Variants in PCDH15 observed in about 807,000 individuals in gnomAD.
The protein encoded by PCDH15 is protocadherin related 15, also known as protocadherin-15.
A neutral mutation model predicts 178.5 loss-of-function variants in PCDH15; 129 were observed. That is an observed-to-expected ratio of 0.72 (90% confidence interval 0.63 to 0.84). The LOEUF is 0.84. Among genes scored for constraint, PCDH15 ranks in the 40% least tolerant of loss-of-function variants. PCDH15 has a pLI of 0.00. For missense variants in PCDH15, 2,230 were observed against 2,099.9 expected (o/e 1.06, Z -1.21); for synonymous variants, 800 against 732.0 (o/e 1.09, Z -1.50).
At chr10:55,136,964 T>A (rs1838211849) in intron 2 of PCDH15, among the ~76,000 whole-genome samples, 1 of 152,216 alleles carries the variant, frequency 6.6e-6, no homozygotes, top group Non-Finnish European at 1.5e-5. Context: ...AAGGTAGTCA[T>A]GTTGAAGTAT....
At chr10:54,799,037 A>G (rs1203828074) in intron 1 of PCDH15, among the ~76,000 whole-genome samples, 2 of 152,126 alleles carry the variant, frequency 1.3e-5, no homozygotes, top group Non-Finnish European at 2.9e-5. Flanking sequence ...AATTTGTCTA[A>G]GGAGTAAAAG....
intron 2 of PCDH15, among the ~76,000 whole-genome samples, chr10:55,441,063 C>A (rs1839173234): frequency 6.6e-6 from 1 of 152,152 alleles, no homozygotes; most frequent in Non-Finnish European, 1.5e-5. Flanking sequence ...TGGGTGGGGA[C>A]ACAGCCAAAC....
At chr10:55,200,783 G>T (rs1213181902) in intron 1 of PCDH15, among the ~76,000 whole-genome samples, 1 of 151,984 alleles carries the variant, frequency 6.6e-6, no homozygotes, top group Non-Finnish European at 1.5e-5. Flanking sequence ...AGATTTGGTT[G>T]TTTGAAAGTG....
At chr10:54,438,362 T>C (rs1425534990) in intron 3 of PCDH15, among the ~76,000 whole-genome samples, 1 of 150,856 alleles carries the variant, frequency 6.6e-6, no homozygotes, top group East Asian at 2.0e-4. Context: ...AGTGAATTTG[T>C]AAGTTCTTTG....
intron 2 of PCDH15, among the ~76,000 whole-genome samples, chr10:54,999,519 T>C (rs1220884372): frequency 6.6e-6 from 1 of 152,190 alleles, no homozygotes; most frequent in Non-Finnish European, 1.5e-5. Flanking sequence ...GGCCTTGTTC[T>C]TAAGATAATT....
rs1487853937 is a variant in PCDH15, at chr10:55,169,401, G to A, written c.-155-2750C>T. ...ATTCATGATTAATCTCTATGTTGTAGTAATACAGTATTTAACCAACAAGAT... is the reference window on the plus strand; with the variant it reads ...ATTCATGATTAATCTCTATGTTGTAATAATACAGTATTTAACCAACAAGAT... On this transcript the variant is annotated intron_variant, in intron 1 of 5. Transcript: ENST00000458638. Among the ~76,000 whole-genome samples, 3 of 152,226 alleles carry A rather than the reference G, an allele frequency of 2.0e-5. No homozygotes were observed. In the East Asian group the frequency reaches 5.8e-4, roughly 29 times the overall value.
At chr10:55,506,950 T>G (rs925312874) in intron 2 of PCDH15, among the ~76,000 whole-genome samples, 5 of 151,476 alleles carry the variant, frequency 3.3e-5, no homozygotes. Flanking sequence ...GATTAACACA[T>G]GAAATAGTAA....
chr10:55,413,714 G>A (rs953157333), intron 2 of PCDH15, among the ~76,000 whole-genome samples: 3 of 151,570 alleles, frequency 2.0e-5, no homozygotes, highest in Non-Finnish European at 4.4e-5. Flanking sequence ...AGGTTAAAAT[G>A]TGTCTTTATA....
chr10:54,004,244 T>C (rs911720888), intron 20 of PCDH15, among the ~76,000 whole-genome samples: 4 of 152,016 alleles, frequency 2.6e-5, no homozygotes, highest in African/African-American at 9.7e-5. Context: ...GGATGCCCAC[T>C]ATCACCACTG....
At chr10:55,577,187 G>A (rs916823923) in intron 2 of PCDH15, among the ~76,000 whole-genome samples, 14 of 152,144 alleles carry the variant, frequency 9.2e-5, no homozygotes, top group Admixed American at 5.2e-4. Context: ...AGGTTGCAGT[G>A]AGCCAAGATT....
chr10:55,133,400 G>T (rs1304510680), intron 2 of PCDH15, among the ~76,000 whole-genome samples: 2 of 151,912 alleles, frequency 1.3e-5, no homozygotes. Flanking sequence ...AATCTAACTG[G>T]CCACTCCTTC....
At chr10:54,731,481 T>G (rs1034659861) in intron 1 of PCDH15, among the ~76,000 whole-genome samples, 1 of 146,066 alleles carries the variant, frequency 6.8e-6, no homozygotes, top group Non-Finnish European at 1.5e-5. Context: ...GCAGCACTAT[T>G]TGCTATACCC....
At chr10:54,755,160 G>A (rs142837701) in intron 1 of PCDH15, among the ~76,000 whole-genome samples, 7,301 of 151,910 alleles carry the variant, frequency 0.048, 590 homozygotes, top group African/African-American at 0.17. Context: ...TCGAACTCCT[G>A]ACTTCAGGTG....
chr10:54,944,494 A>C (rs1454481), intron 2 of PCDH15, among the ~76,000 whole-genome samples: 29,080 of 151,866 alleles, frequency 0.19, 3,246 homozygotes, highest in African/African-American at 0.3. Flanking sequence ...AGCTGTCTGG[A>C]TTTTGGGGAC....
intron 2 of PCDH15, among the ~76,000 whole-genome samples, chr10:55,132,509 C>T (rs1466136372): frequency 6.6e-6 from 1 of 152,064 alleles, no homozygotes; most frequent in Non-Finnish European, 1.5e-5. Flanking sequence ...AAAGTAAGTT[C>T]CTGCAAACTA....
chr10:55,533,588 G>T (rs571388412), intron 2 of PCDH15, among the ~76,000 whole-genome samples: 1 of 152,056 alleles, frequency 6.6e-6, no homozygotes, highest in African/African-American at 2.4e-5. Context: ...TGACATAAAT[G>T]ATTGGAAAGA....
At chr10:55,561,244 T>C (rs1842192384) in intron 2 of PCDH15, among the ~76,000 whole-genome samples, 2 of 151,862 alleles carry the variant, frequency 1.3e-5, no homozygotes, top group Admixed American at 1.3e-4. Context: ...ACATTTTATA[T>C]AAACTTATTT....
intron 1 of PCDH15, among the ~76,000 whole-genome samples, chr10:55,295,815 T>C (rs1434318441): frequency 3.9e-5 from 6 of 152,160 alleles, no homozygotes; most frequent in Admixed American, 3.9e-4. Context: ...CTAAAATTCA[T>C]GTCTGACACT....
chr10:54,214,272 AT>A (rs2051758572), intron 9 of PCDH15, among the ~76,000 whole-genome samples: 2 of 151,976 alleles, frequency 1.3e-5, no homozygotes, highest in Non-Finnish European at 1.5e-5. Flanking sequence ...GATTTTTGAA[AT>A]TTTTTTTATT....
Sources: gnomAD v4.1 joint callset for allele counts (sites outside exome capture counted in the v4.1 genomes callset) on GRCh38, gnomAD v4.1.1 for gene constraint, MANE v1.5 for transcripts, NCBI Gene and HGNC (gene_info 2026-07-23, HGNC 2026-07-21) for gene names.